The following HAVCR2 variants were observed in gnomAD, a reference collection of about 807,000 sequenced individuals.
HAVCR2 encodes the protein hepatitis A virus cellular receptor 2.
A neutral mutation model predicts 24.7 loss-of-function variants in HAVCR2; 13 were observed. The observed-to-expected ratio is 0.53, with a 90% CI of 0.34 to 0.84. The LOEUF is 0.84. Among genes scored for constraint, HAVCR2 ranks in the 40% least tolerant of loss-of-function variants. The pLI is 0.01. For missense variants in HAVCR2, 343 were observed against 371.2 expected, an observed-to-expected ratio of 0.92 and a Z score of 0.62; for synonymous variants, 154 against 143.4, an observed-to-expected ratio of 1.07 and a Z score of -0.53.
intron 5 of HAVCR2, among the ~76,000 whole-genome samples, chr5:157,091,963 A>C (rs995628829): frequency 6.6e-6 from 1 of 152,110 alleles, no homozygotes; most frequent in African/African-American, 2.4e-5. Flanking sequence ...TTTCTCCAGC[A>C]ACTTCCAGGG....
At chr5:157,088,059 G>A (rs1756940901) in intron 6 of HAVCR2, among the ~76,000 whole-genome samples, 1 of 152,098 alleles carries the variant, frequency 6.6e-6, no homozygotes, top group South Asian at 2.1e-4. Flanking sequence ...CTGTGCTCCA[G>A]CAATCCTTCC....
intron 3 of HAVCR2, among the ~76,000 whole-genome samples, chr5:157,100,176 G>A (rs140394127): frequency 6.6e-6 from 1 of 152,266 alleles, no homozygotes; most frequent in Non-Finnish European, 1.5e-5. Flanking sequence ...TTAGAACTAC[G>A]CTTCTAAAGT....
Position 157,088,954 on chromosome 5 carries a change from T to A in HAVCR2, c.700A>T (p.Ile234Leu). ...FKWYSHSKEKIQNLSLISLAN... is the reference protein window; with the variant it reads ...FKWYSHSKEKLQNLSLISLAN... ...CATTATTCTTACCTTAAATTCTGTA[T>A]CTTCTCTTTGCTATGAGAATACCCT... The change falls in exon 6 of 7, where the codon ATA becomes TTA. Residue 234 changes from isoleucine (I) to leucine (L), a missense_variant. Transcript: ENST00000307851. 1 of 1,609,458 alleles carries A rather than the reference T, an allele frequency of 6.2e-7. No homozygotes were observed. Among genetic ancestry groups the A allele is most frequent in the South Asian group, 1.1e-5 (1 of 90,064 alleles).
chr5:157,095,413 T>C lies in HAVCR2; in HGVS notation c.569A>G (p.Asn190Ser), dbSNP rs1227820918. 1.2e-6 allele frequency: 2 copies of C among 1,614,024 alleles called. No homozygotes were observed. The highest frequency in any genetic ancestry group is 1.7e-6 in the Non-Finnish European group (2 of 1,179,890). ...ANELRDSRLA[N>S]DLRDSGATIR... Reference sequence around the variant, plus strand: ...GGTTGCTCCAGAGTCCCGTAAGTCATTGGCCAATCTAGAGTCCCGTAACTC... The same window carrying C: ...GGTTGCTCCAGAGTCCCGTAAGTCACTGGCCAATCTAGAGTCCCGTAACTC... The change falls in exon 5 of 7, where the codon AAT (asparagine) becomes AGT (serine). Residue 190 changes from asparagine to serine, a missense_variant. Asn to Ser is a conservative substitution (Grantham distance 46). Transcript: ENST00000307851.
Position 157,106,731 on chromosome 5 carries a change from A to G in HAVCR2, c.290T>C (p.Ile97Thr), listed in dbSNP as rs1158946084. The change falls in exon 2 of 7, where the codon ATA (isoleucine) becomes ACA (threonine). Residue 97 changes from isoleucine to threonine, a missense_variant. Ile to Thr is a moderately conservative substitution (Grantham distance 89). Coordinates refer to ENST00000307851, the MANE Select transcript of HAVCR2 (RefSeq NM_032782.5). ...ACTGTCTGCTAGAGTCACATTCTCTATGGTCAGGGACACATCTCCTTTGCG... is the reference window on the plus strand; with the variant it reads ...ACTGTCTGCTAGAGTCACATTCTCTGTGGTCAGGGACACATCTCCTTTGCG... The part of the protein sequence containing the change: ...DFRKGDVSLT[I>T]ENVTLADSGI... 1.1e-5 allele frequency: 17 copies of G among 1,614,172 alleles called. No homozygotes were observed. Among genetic ancestry groups the G allele is most frequent in the South Asian group, 8.8e-5 (8 of 91,082 alleles).
rs556443053 is a variant in HAVCR2, at chr5:157,092,878, C to CAAAAAAAAAAAAAAAAAAAAAAAAAAAA, written c.676+2400_676+2427dup. ...CAACATGGCAAAACCCTGTCTCTAC[C>CAAAAAAAAAAAAAAAAAAAAAAAAAAAA]AAAAAAAAAAAAAAAAAAAAAAAAA... On this transcript the variant is annotated intron_variant, in intron 5 of 6. Transcript: ENST00000307851. 1.1e-4 allele frequency among the ~76,000 whole-genome samples: 5 copies of CAAAAAAAAAAAAAAAAAAAAAAAAAAAA among 44,018 alleles called. 1 individual carries two copies. Among genetic ancestry groups the CAAAAAAAAAAAAAAAAAAAAAAAAAAAA allele is most frequent in the Admixed American group, 2.3e-4 (1 of 4,352 alleles). 28.9% of individuals were successfully genotyped at this position (44,018 alleles called of 152,430 possible).
At position 157,106,739 on chromosome 5, in the gene HAVCR2, G is replaced by T. The variant is rs770660534; in HGVS notation, c.282C>A (p.Ser94=). 8 of 1,614,026 alleles carry T rather than the reference G, an allele frequency of 5.0e-6. No individual in the cohort carries two copies. Among genetic ancestry groups the T allele is most frequent in the Non-Finnish European group, 5.9e-6 (7 of 1,180,022 alleles). The change falls in exon 2 of 7, where the codon TCC becomes TCA. Residue 94 remains serine (S), a synonymous_variant. Transcript: ENST00000307851. ...LNGDFRKGDV[S]LTIENVTLAD... ...CTAGAGTCACATTCTCTATGGTCAG[G>T]GACACATCTCCTTTGCGGAAATCCC...
chr5:157,094,184 C>T (rs1247028359), intron 5 of HAVCR2, among the ~76,000 whole-genome samples: 1 of 151,394 alleles, frequency 6.6e-6, no homozygotes, highest in Non-Finnish European at 1.5e-5. Flanking sequence ...CAGGTGTGTG[C>T]CACCATGCCC....
intron 3 of HAVCR2, among the ~76,000 whole-genome samples, chr5:157,103,288 G>A (rs1757197000): frequency 6.6e-6 from 1 of 151,624 alleles, no homozygotes; most frequent in Non-Finnish European, 1.5e-5. Context: ...GGAGAATGGC[G>A]TGAACCCAGG....
intron 3 of HAVCR2, among the ~76,000 whole-genome samples, chr5:157,100,793 A>C (rs938896582): frequency 1.3e-5 from 2 of 152,110 alleles, no homozygotes; most frequent in Admixed American, 6.6e-5. Context: ...ACCAGAAAAA[A>C]ATTTAAAATA....
chr5:157,102,437 C>T (rs1463555229), intron 3 of HAVCR2, among the ~76,000 whole-genome samples: 2 of 152,154 alleles, frequency 1.3e-5, no homozygotes, highest in African/African-American at 2.4e-5. Flanking sequence ...AGCCAATTTA[C>T]ATAATGTTAC....
At chr5:157,098,331 C>T (rs988133285) in intron 4 of HAVCR2, among the ~76,000 whole-genome samples, 8 of 151,230 alleles carry the variant, frequency 5.3e-5, no homozygotes, top group Non-Finnish European at 8.8e-5. Context: ...CGCTTGAACC[C>T]GGGAGGCGGA....
intron 5 of HAVCR2, 148 bp from the exon 6 acceptor site, chr5:157,089,125 T>A: frequency 1.5e-6 from 1 of 646,094 alleles, no homozygotes. Context: ...ACGTGTGCCT[T>A]AGATAGTTAT....
At chr5:157,095,563 G>A (rs1757084516) in intron 4 of HAVCR2, 104 bp from the exon 5 acceptor site, 3 of 1,253,826 alleles carry the variant, frequency 2.4e-6, no homozygotes, top group Non-Finnish European at 3.4e-6. Context: ...AACATCACAG[G>A]ATGGCTGAGT....
At chr5:157,092,139 T>C (rs972376021) in intron 5 of HAVCR2, among the ~76,000 whole-genome samples, 4 of 162 alleles carry the variant, frequency 0.025, no homozygotes, top group African/African-American at 0.11. Flanking sequence ...ATGGTCATAT[T>C]ATATATATAT....
chr5:157,102,052 T>C (rs1189392463), intron 3 of HAVCR2, among the ~76,000 whole-genome samples: 1 of 148,912 alleles, frequency 6.7e-6, no homozygotes, highest in Non-Finnish European at 1.5e-5. Context: ...TTCTCCTGCC[T>C]CAGCCTCCTG....
At chr5:157,103,322 G>C (rs1757197773) in intron 3 of HAVCR2, among the ~76,000 whole-genome samples, 1 of 151,666 alleles carries the variant, frequency 6.6e-6, no homozygotes, top group South Asian at 2.1e-4. Flanking sequence ...AGTGAGCCGA[G>C]ATTGCGCCAC....
chr5:157,104,337 A>G (rs1254036143), intron 3 of HAVCR2, among the ~76,000 whole-genome samples: 5 of 152,232 alleles, frequency 3.3e-5, no homozygotes, highest in Non-Finnish European at 7.3e-5. Context: ...TCATGACCAA[A>G]CATCACCAGT....
At chr5:157,095,206 A>G (rs569173134) in intron 5 of HAVCR2, 100 bp downstream of exon 5, 164 of 1,274,252 alleles carry the variant, frequency 1.3e-4, no homozygotes, top group Non-Finnish European at 1.8e-4. Flanking sequence ...TAGTCTAATC[A>G]TCTTTGGGTA....
Sources: gnomAD v4.1 joint callset for allele counts (sites outside exome capture counted in the v4.1 genomes callset) on GRCh38, gnomAD v4.1.1 for gene constraint, MANE v1.5 for transcripts, NCBI Gene and HGNC (gene_info 2026-07-23, HGNC 2026-07-21) for gene names.